The following ZNF510 variants were observed in gnomAD, a reference collection of about 807,000 sequenced individuals.
ZNF510 encodes the protein zinc finger protein 510.
A neutral mutation model predicts 18.1 loss-of-function variants in ZNF510; 15 were observed. The ratio of observed to expected loss-of-function variants is 0.83; its 90% CI spans 0.55 to 1.28. ZNF510 has a LOEUF of 1.28. Ranked by LOEUF, ZNF510 falls within the 50% of genes most tolerant of loss-of-function variation. The pLI, the probability that ZNF510 is intolerant of heterozygous loss-of-function variation, is 0.00. For missense variants in ZNF510, 724 were observed against 791.8 expected, an observed-to-expected ratio of 0.91 and a Z score of 1.03; for synonymous variants, 261 against 266.4, an observed-to-expected ratio of 0.98 and a Z score of 0.20.
chr9:96,765,475 T>C (rs952962766), intron 3 of ZNF510, among the ~76,000 whole-genome samples: 1 of 152,080 alleles, frequency 6.6e-6, no homozygotes, highest in Non-Finnish European at 1.5e-5. Context: ...TTTAGTGCCA[T>C]ATTTACTGCA....
rs1849273640 is a variant in ZNF510, at chr9:96,759,225, C to G, written c.1605G>C (p.Gln535His). The G allele has an allele frequency of 1.9e-6, 3 of 1,612,468 alleles. No individual in the cohort carries two copies. In the African/African-American group the frequency reaches 4.0e-5, roughly 22 times the overall value. Residue 535 changes from glutamine to histidine, a missense_variant, in exon 6 of 6, where the codon CAG becomes CAC. By Grantham distance (24) the Gln-to-His change is conservative (BLOSUM62 0). Transcript: ENST00000223428. ...AAGTTTTCTCCCCAGTGTGAGTTCT[C>G]TGATGTATTCTGAGGTTTGACTTCT... is the stretch of plus-strand genomic sequence containing the variant. ...FGQKSNLRIH[Q>H]RTHTGEKTYQ...
In ZNF510 at chr9:96,755,144, CCT is replaced by C. The variant is rs781364947; in HGVS notation, c.*3632_*3633del. Among the ~76,000 whole-genome samples the C allele has an allele frequency of 6.6e-6, 1 of 152,230 alleles. No homozygotes were observed. The highest frequency in any genetic ancestry group is 1.5e-5 in the Non-Finnish European group (1 of 68,048). The stretch of plus-strand genomic sequence containing the variant: ...AGTCCCCAGTCATGGGGCTTTGCCA[CCT>C]GGCCTCCCAATGACTCAGGCCACCT... On this transcript the variant is annotated 3_prime_UTR_variant, in exon 6 of 6. Transcript: ENST00000223428.
intron 5 of ZNF510, among the ~76,000 whole-genome samples, chr9:96,761,838 T>G (rs941976093): frequency 1.3e-5 from 2 of 152,210 alleles, no homozygotes; most frequent in Non-Finnish European, 2.9e-5. Context: ...TGTTTCTCCA[T>G]TCTACTGTTG....
chr9:96,767,250 C>T (rs950139725), intron 3 of ZNF510, among the ~76,000 whole-genome samples: 1 of 152,116 alleles, frequency 6.6e-6, no homozygotes, highest in Admixed American at 6.5e-5. Flanking sequence ...ATTGCTTGAA[C>T]CCGGGAGGTG....
chr9:96,774,548 C>T (rs554803280), intron 3 of ZNF510, among the ~76,000 whole-genome samples: 9 of 152,012 alleles, frequency 5.9e-5, no homozygotes, highest in Admixed American at 5.9e-4. Flanking sequence ...AAAAAAAATA[C>T]TGTCTGTCTG....
At chr9:96,762,494 G>A (rs1232297096) in intron 5 of ZNF510, among the ~76,000 whole-genome samples, 2 of 145,156 alleles carry the variant, frequency 1.4e-5, no homozygotes, top group Non-Finnish European at 3.0e-5. Context: ...GAGTGACAGA[G>A]GGAGACTCCG....
At chr9:96,767,071 T>A (rs1473132059) in intron 3 of ZNF510, among the ~76,000 whole-genome samples, 1 of 152,218 alleles carries the variant, frequency 6.6e-6, no homozygotes, top group Non-Finnish European at 1.5e-5. Flanking sequence ...TTCACGCCTA[T>A]AATTCCAGCA....
At chr9:96,763,391 G>A in intron 4 of ZNF510, 115 bp downstream of exon 4, 1 of 1,393,826 alleles carries the variant, frequency 7.2e-7, no homozygotes, top group African/African-American at 1.4e-5. Flanking sequence ...TTGGAATCCT[G>A]AATGAAAAGC....
Position 96,755,686 on chromosome 9 carries a change from C to A in ZNF510, c.*3092G>T, listed in dbSNP as rs989924216. Among the ~76,000 whole-genome samples, 1 of 152,040 alleles carries A rather than the reference C, an allele frequency of 6.6e-6. No homozygotes were observed. Among genetic ancestry groups the A allele is most frequent in the South Asian group, 2.1e-4 (1 of 4,812 alleles). ...CAGTCCTATTCACAAAATGATGTTA[C>A]TAAAATATCAGAATGTTTAATCAGT... On this transcript the variant is annotated 3_prime_UTR_variant, in exon 6 of 6. Transcript: ENST00000223428.
In ZNF510 at chr9:96,774,788, CTGAGA is replaced by C. The variant is rs763890678; in HGVS notation, c.124_128del (p.Ser42GlyfsTer80). The stretch of plus-strand genomic sequence containing the variant: ...AAAAAGGTATTAGTAATTAACTCAC[CTGAGA>C]TATGTTCATTTTCTGCTGCTCCTGA... On this transcript the variant is annotated frameshift_variant and splice_region_variant, in exon 3 of 6. Coordinates refer to ENST00000223428, the MANE Select transcript of ZNF510 (RefSeq NM_014930.3). LOFTEE classifies it high-confidence loss of function. 6 of 1,612,996 alleles carry C rather than the reference CTGAGA, an allele frequency of 3.7e-6. No homozygotes were observed. Among genetic ancestry groups the C allele is most frequent in the Non-Finnish European group, 4.2e-6 (5 of 1,179,688 alleles).
intron 3 of ZNF510, 91 bp from the exon 4 acceptor site, chr9:96,763,723 C>CT (rs1227642888): frequency 1.6e-6 from 2 of 1,279,290 alleles, no homozygotes; most frequent in Non-Finnish European, 2.1e-6. Context: ...AGGTTTAACT[C>CT]TAAAAAGCTT....
At position 96,759,749 on chromosome 9, in the gene ZNF510, C is replaced by G. The variant is rs1849299588; in HGVS notation, c.1081G>C (p.Glu361Gln). 6.2e-7 allele frequency: 1 copy of G among 1,613,866 alleles called. No homozygotes were observed. The highest frequency in any genetic ancestry group is 8.5e-7 in the Non-Finnish European group (1 of 1,179,958). The change falls in exon 6 of 6, where the codon GAG becomes CAG. Residue 361 changes from glutamate to glutamine, a missense_variant. By Grantham distance (29) the Glu-to-Gln change is conservative (BLOSUM62 2). Coordinates refer to ENST00000223428, the MANE Select transcript of ZNF510 (RefSeq NM_014930.3). ...CTGTCATTACTTACCAATGGGTTCT[C>G]TTCTATGACAGCTGTTTGAGGATCA... ...LTDPQTAVIE[E>Q]NPLVSNDRTQ...
chr9:96,771,046 A>G (rs1478588181), intron 3 of ZNF510, among the ~76,000 whole-genome samples: 2 of 152,302 alleles, frequency 1.3e-5, no homozygotes, highest in African/African-American at 4.8e-5. Context: ...TCACAGGTAT[A>G]TTTTTCCAAA....
At chr9:96,768,764 C>G (rs1253768991) in intron 3 of ZNF510, among the ~76,000 whole-genome samples, 1 of 151,968 alleles carries the variant, frequency 6.6e-6, no homozygotes, top group East Asian at 1.9e-4. Context: ...GACAATACTC[C>G]CAAAAGTGAT....
At chr9:96,760,586 A>T in intron 5 of ZNF510, 109 bp from the exon 6 acceptor site, 4 of 1,030,090 alleles carry the variant, frequency 3.9e-6, no homozygotes, top group Non-Finnish European at 5.4e-6. Context: ...ATCAAGATTA[A>T]ATAATTCAGA....
chr9:96,763,024 G>T, intron 5 of ZNF510, 94 bp downstream of exon 5: 1 of 985,732 alleles, frequency 1.0e-6, no homozygotes, highest in Non-Finnish European at 1.6e-6. Context: ...GGCTTTCTAA[G>T]AAAAGTCTTG....
rs766740120 is a variant in ZNF510, at chr9:96,760,419, C to T, written c.411G>A (p.Leu137=). The part of the protein sequence containing the change: ...KQNKKIKDKH[L]EQAICINNKT... ...TATTATTGATACATATTGCTTGCTC[C>T]AAGTGTTTGTCTTTGATTTTCTTGT... is the stretch of plus-strand genomic sequence containing the variant. Residue 137 remains leucine (L), a synonymous_variant, in exon 6 of 6, where the codon TTG becomes TTA. Coordinates refer to ENST00000223428, the MANE Select transcript of ZNF510 (RefSeq NM_014930.3). 6.2e-7 allele frequency: 1 copy of T among 1,612,780 alleles called. No homozygotes were observed. The highest frequency in any genetic ancestry group is 8.5e-7 in the Non-Finnish European group (1 of 1,179,550).
At chr9:96,771,502 A>G (rs10978900) in intron 3 of ZNF510, among the ~76,000 whole-genome samples, 8,943 of 151,926 alleles carry the variant, frequency 0.059, 862 homozygotes, top group African/African-American at 0.2. Flanking sequence ...GGACATATAC[A>G]AAAAACATGT....
chr9:96,758,854 T>C lies in ZNF510; in HGVS notation c.1976A>G (p.Asn659Ser), dbSNP rs200860847. Residue 659 changes from asparagine (N) to serine (S), a missense_variant, in exon 6 of 6, where the codon AAT becomes AGT. Physicochemically the swap from Asn to Ser is conservative, Grantham distance 46 (BLOSUM62 1). Transcript: ENST00000223428. ...CTTCTTACATAATTTCCCATATTCATTGCATTCATAAGATTTCTCCCCACT... is the reference window on the plus strand; with the variant it reads ...CTTCTTACATAATTTCCCATATTCACTGCATTCATAAGATTTCTCCCCACT... ...THSGEKSYECNEYGKLCKKST... is the reference protein window; with the variant it reads ...THSGEKSYECSEYGKLCKKST... The C allele has an allele frequency of 2.1e-4, 344 of 1,613,834 alleles. 2 individuals carry two copies. Among genetic ancestry groups the C allele is most frequent in the Non-Finnish European group, 4.8e-5 (57 of 1,179,910 alleles).
Sources: allele counts gnomAD v4.1 joint callset (sites outside exome capture counted in the v4.1 genomes callset), GRCh38; gene constraint gnomAD v4.1.1; transcripts MANE v1.5; gene names NCBI Gene and HGNC (gene_info 2026-07-23, HGNC 2026-07-21).